NPLOC4: variants seen among roughly 807,000 people sequenced by gnomAD.
NPLOC4 encodes nuclear protein localization protein 4 homolog.
A neutral mutation model predicts 80.6 loss-of-function variants in NPLOC4; 18 were observed. The ratio of observed to expected loss-of-function variants is 0.22; its 90% CI spans 0.15 to 0.33. The LOEUF (loss-of-function observed/expected upper bound fraction) is 0.33, where lower values mean the gene tolerates loss of function less well. Ranked by LOEUF, NPLOC4 falls within the 10% of genes least tolerant of loss-of-function variation. The probability of loss-of-function intolerance (pLI) is 1.00; values close to 1 mark genes in which losing one functional copy is unlikely to be tolerated. For synonymous variants in NPLOC4, 313 were observed against 301.5 expected (o/e 1.04, Z -0.39); for missense variants, 540 against 786.1 (o/e 0.69, Z 3.74).
intron 11 of NPLOC4, among the ~76,000 whole-genome samples, chr17:81,589,531 C>CAA (rs567322005): frequency 3.1e-4 from 38 of 122,504 alleles, no homozygotes; most frequent in African/African-American, 3.7e-4. Context: ...GACTCCATCT[C>CAA]AAAAAAAAAA....
intron 1 of NPLOC4, among the ~76,000 whole-genome samples, chr17:81,632,897 A>G (rs572546809): frequency 1.3e-5 from 2 of 152,068 alleles, no homozygotes; most frequent in Admixed American, 1.3e-4. Context: ...GCTCCACCCA[A>G]TATGTTCTCA....
chr17:81,622,140 C>T (rs1392399770), intron 3 of NPLOC4, 26 bp downstream of exon 3: 16 of 1,554,166 alleles, frequency 1.0e-5, no homozygotes, highest in Non-Finnish European at 1.3e-5. Flanking sequence ...CCCCCATTCC[C>T]TGCTTCCTCC....
intron 16 of NPLOC4, chr17:81,563,922 T>C (rs992629551): frequency 2.2e-5 from 10 of 454,914 alleles, no homozygotes; most frequent in Non-Finnish European, 4.0e-5. Context: ...CTCACGTACA[T>C]AAAGATGGCA....
chr17:81,617,762 G>T (rs2035540843), intron 3 of NPLOC4, among the ~76,000 whole-genome samples: 1 of 147,300 alleles, frequency 6.8e-6, no homozygotes, highest in African/African-American at 2.5e-5. Flanking sequence ...CTCCCTGCCT[G>T]ATTCTCCTGC....
intron 13 of NPLOC4, 148 bp from the exon 14 acceptor site, chr17:81,569,259 G>A (rs1328968841): frequency 1.8e-5 from 11 of 614,348 alleles, no homozygotes; most frequent in Non-Finnish European, 2.3e-5. Flanking sequence ...AAAGGGAACC[G>A]TTATCTATTA....
chr17:81,568,631 GA>G (rs1262874385), intron 14 of NPLOC4, among the ~76,000 whole-genome samples: 45 of 152,256 alleles, frequency 3.0e-4, no homozygotes, highest in South Asian at 4.1e-4. Flanking sequence ...CTACACACGG[GA>G]AAGCCGAGGC....
intron 12 of NPLOC4, among the ~76,000 whole-genome samples, chr17:81,575,224 C>G (rs2034265097): frequency 6.6e-6 from 1 of 152,100 alleles, no homozygotes; most frequent in African/African-American, 2.4e-5. Flanking sequence ...CTCAGCCTCC[C>G]GAGTAGCTGG....
chr17:81,618,294 C>A (rs1200330892), intron 3 of NPLOC4, among the ~76,000 whole-genome samples: 2 of 150,706 alleles, frequency 1.3e-5, no homozygotes, highest in South Asian at 2.1e-4. Flanking sequence ...ATGTGGGGAG[C>A]GCCTCTGCCC....
rs995468485 is a variant in NPLOC4 at position 81,580,647 on chromosome 17, A to C, written c.1281+8297T>G. Reference sequence around the variant, plus strand: ...TTGACACCTTCTCTCCCCTCTCAGGACTCGACCCACCAGGGCACTCCAAGC... The same window carrying C: ...TTGACACCTTCTCTCCCCTCTCAGGCCTCGACCCACCAGGGCACTCCAAGC... On this transcript the variant is annotated intron_variant, in intron 12 of 16. Coordinates refer to ENST00000331134, the MANE Select transcript of NPLOC4 (RefSeq NM_017921.4). The surrounding 1 kb of genome is among the most constrained non-coding windows in gnomAD (Gnocchi z 4.4). Among the ~76,000 whole-genome samples, 1 of 151,834 alleles carries C rather than the reference A, an allele frequency of 6.6e-6. No individual in the cohort carries two copies. Among genetic ancestry groups the C allele is most frequent in the Non-Finnish European group, 1.5e-5 (1 of 67,938 alleles).
chr17:81,559,011 G>A lies in NPLOC4; in HGVS notation c.*248C>T, dbSNP rs149661416. Reference sequence around the variant, plus strand: ...GGGGGACTTGTCAACAGGATTAGGCGTGAGGAGCCGCTCTGCGTTTCCAGT... The same window carrying A: ...GGGGGACTTGTCAACAGGATTAGGCATGAGGAGCCGCTCTGCGTTTCCAGT... On this transcript the variant is annotated 3_prime_UTR_variant, in exon 17 of 17. Transcript: ENST00000331134. 42 of 494,662 alleles carry A rather than the reference G, an allele frequency of 8.5e-5. No individual in the cohort carries two copies. The highest frequency in any genetic ancestry group is 2.7e-4 in the East Asian group (8 of 29,340). The allele number at this position is 494,662 out of a possible 1,614,324, so 30.6% of individuals were successfully genotyped here. A position where few individuals can be genotyped will look rare whatever the true frequency, so the allele number is the denominator to read the frequency against.
At chr17:81,597,160 G>A (rs751127025) in intron 10 of NPLOC4, 85 bp downstream of exon 10, 37 of 891,116 alleles carry the variant, frequency 4.2e-5, no homozygotes, top group Admixed American at 8.5e-5. Flanking sequence ...TAGAACCAGC[G>A]GTGCAAAGAG....
rs775476008 is a variant in NPLOC4, at chr17:81,606,822, G to A, written c.531-8C>T. 1.3e-6 allele frequency: 2 copies of A among 1,580,272 alleles called. No homozygotes were observed. The highest frequency in any genetic ancestry group is 2.2e-5 in the East Asian group (1 of 44,556). ...AGGGCAACAAACTTCCCCCTACATA[G>A]AAGAGAAGCAACTTAAACATCACAT... On this transcript the variant is annotated splice_polypyrimidine_tract_variant and splice_region_variant and intron_variant, in intron 6 of 16. Coordinates refer to ENST00000331134, the MANE Select transcript of NPLOC4 (RefSeq NM_017921.4).
At chr17:81,602,707 TAAA>T (rs112330164) in intron 8 of NPLOC4, among the ~76,000 whole-genome samples, 1 of 127,618 alleles carries the variant, frequency 7.8e-6, no homozygotes. Context: ...GTCTCAAAAT[TAAA>T]AAAAAAAAAA....
At chr17:81,609,975 A>G (rs537550342) in intron 5 of NPLOC4, among the ~76,000 whole-genome samples, 1 of 152,328 alleles carries the variant, frequency 6.6e-6, no homozygotes, top group African/African-American at 2.4e-5. Flanking sequence ...CCTTTATCAC[A>G]GCCACACAAA....
At chr17:81,610,359 T>C (rs1340800380) in intron 4 of NPLOC4, 101 bp from the exon 5 acceptor site, 18 of 998,370 alleles carry the variant, frequency 1.8e-5, no homozygotes, top group Non-Finnish European at 2.5e-5. Flanking sequence ...AGTGTTTCCC[T>C]GCCCACGTGG....
rs1598608443 is a variant in NPLOC4, at chr17:81,558,971, T to G, written c.*288A>C. On this transcript the variant is annotated 3_prime_UTR_variant, in exon 17 of 17. Coordinates refer to ENST00000331134, the MANE Select transcript of NPLOC4 (RefSeq NM_017921.4). ...CCAGGTGCCACGTAGAGGCGAGAGGTCTTTCCAACACGGCGGGGGACTTGT... is the reference window on the plus strand; with the variant it reads ...CCAGGTGCCACGTAGAGGCGAGAGGGCTTTCCAACACGGCGGGGGACTTGT... 1 of 330,826 alleles carries G rather than the reference T, an allele frequency of 3.0e-6. No individual in the cohort carries two copies. Among genetic ancestry groups the G allele is most frequent in the South Asian group, 7.6e-5 (1 of 13,128 alleles). 20.5% of individuals were successfully genotyped at this position (330,826 alleles called of 1,614,324 possible). A position where few individuals can be genotyped will look rare whatever the true frequency, so the allele number is the denominator to read the frequency against.
At chr17:81,582,440 C>T (rs1048842909) in intron 12 of NPLOC4, among the ~76,000 whole-genome samples, 8 of 152,188 alleles carry the variant, frequency 5.3e-5, no homozygotes, top group African/African-American at 1.4e-4. Context: ...CTTGTTCTGT[C>T]GCCCAGGCTG....
At chr17:81,613,905 G>C (rs554513612) in intron 3 of NPLOC4, among the ~76,000 whole-genome samples, 16 of 152,062 alleles carry the variant, frequency 1.1e-4, no homozygotes, top group Non-Finnish European at 1.9e-4. Context: ...TGTGCTGGTT[G>C]CATGTATCTC....
At position 81,631,134 on chromosome 17, in the gene NPLOC4, T is replaced by C. The variant is rs972974880; in HGVS notation, c.16-1329A>G. ...GTTGCAGTGAGCCAAGATCGTGCCA[T>C]TGCGTGACGAAGAGCAAGACTTCGT... is the stretch of plus-strand genomic sequence containing the variant. On this transcript the variant is annotated intron_variant, in intron 1 of 16. Coordinates refer to ENST00000331134, the MANE Select transcript of NPLOC4 (RefSeq NM_017921.4). 3.3e-5 allele frequency among the ~76,000 whole-genome samples: 5 copies of C among 151,898 alleles called. No homozygotes were observed. The East Asian group carries it at 9.6e-4, about 29-fold the overall frequency.
Sources: allele counts gnomAD v4.1 joint callset (sites outside exome capture counted in the v4.1 genomes callset), GRCh38; gene constraint gnomAD v4.1.1; non-coding constraint Gnocchi (gnomAD v3.1); transcripts MANE v1.5; gene names NCBI Gene and HGNC (gene_info 2026-07-23, HGNC 2026-07-21).